Variants in UGT2A3 observed in about 807,000 individuals in gnomAD.
UGT2A3 encodes the protein UDP glucuronosyltransferase family 2 member A3, also known as UDP-glucuronosyltransferase 2A3.
UGT2A3 carries 55 observed loss-of-function variants against 44.1 expected under a neutral mutation model. The observed-to-expected ratio is 1.25, with a 90% CI of 1.00 to 1.56. The LOEUF (loss-of-function observed/expected upper bound fraction) is 1.56, where lower values mean the gene tolerates loss of function less well. Among genes scored for constraint, UGT2A3 ranks in the 40% most tolerant of loss-of-function variants. UGT2A3 has a pLI of 0.00. For synonymous variants in UGT2A3, 243 were observed against 215.1 expected, an observed-to-expected ratio of 1.13 and a Z score of -1.13; for missense variants, 733 against 621.6, an observed-to-expected ratio of 1.18 and a Z score of -1.91.
rs747002356 is a variant in UGT2A3, at chr4:68,932,640, C to A, written c.984G>T (p.Gln328His). The change falls in exon 3 of 6, where the codon CAG (glutamine) becomes CAT (histidine). Residue 328 changes from glutamine to histidine, a missense_variant. Gln to His is a conservative substitution (Grantham distance 24). Transcript: ENST00000251566. ...KANIIASALA[Q>H]IPQKVLWRYK... ...AGGTTTTACTGACCTTCTGTGGGATCTGGGCAAGGGCTGAAGCAATGATAT... is the reference window on the plus strand; with the variant it reads ...AGGTTTTACTGACCTTCTGTGGGATATGGGCAAGGGCTGAAGCAATGATAT... 3 of 1,608,060 alleles carry A rather than the reference C, an allele frequency of 1.9e-6. No homozygotes were observed. Among genetic ancestry groups the A allele is most frequent in the Non-Finnish European group, 2.5e-6 (3 of 1,177,328 alleles).
chr4:68,932,782 A>G lies in UGT2A3; in HGVS notation c.865-23T>C, dbSNP rs764714603. The G allele has an allele frequency of 2.5e-6, 4 of 1,598,726 alleles. No homozygotes were observed. In the East Asian group the frequency reaches 8.9e-5, roughly 36 times the overall value. On this transcript the variant is annotated intron_variant, in intron 2 of 5. Coordinates refer to ENST00000251566, the MANE Select transcript of UGT2A3 (RefSeq NM_024743.4). ...TTCCTGAAGATAAAAATTTATCTGC[A>G]TTACAGAGGCATAATATAACAAAAA...
At chr4:68,930,142 C>A in intron 5 of UGT2A3, 50 bp from the exon 6 acceptor site, 1 of 1,541,478 alleles carries the variant, frequency 6.5e-7, no homozygotes, top group Non-Finnish European at 8.8e-7. Flanking sequence ...GTTTTGTTTT[C>A]ATAAAAGACA....
intron 2 of UGT2A3, among the ~76,000 whole-genome samples, chr4:68,939,592 T>A (rs1419145787): frequency 1.3e-5 from 2 of 151,944 alleles, no homozygotes; most frequent in African/African-American, 4.8e-5. Flanking sequence ...ACCATAAAAA[T>A]CCTAGAAGAA....
At chr4:68,944,109 T>C (rs879405015) in intron 2 of UGT2A3, among the ~76,000 whole-genome samples, 5 of 151,858 alleles carry the variant, frequency 3.3e-5, no homozygotes, top group African/African-American at 1.2e-4. Flanking sequence ...TGTTATTTTA[T>C]GTGTTTGGTT....
chr4:68,938,772 G>T (rs975877038), intron 2 of UGT2A3, among the ~76,000 whole-genome samples: 6 of 152,134 alleles, frequency 3.9e-5, no homozygotes, highest in Non-Finnish European at 8.8e-5. Flanking sequence ...GTCCCCGTTT[G>T]CAGATGACAT....
chr4:68,935,276 GTATATATATA>G (rs57286694), intron 2 of UGT2A3, among the ~76,000 whole-genome samples: 896 of 60,130 alleles, frequency 0.015, 38 homozygotes, highest in Middle Eastern at 0.036. Context: ...ATGTATGTAT[GTATATATATA>G]TATATATATA....
intron 2 of UGT2A3, among the ~76,000 whole-genome samples, chr4:68,937,570 A>T (rs1717999658): frequency 6.6e-6 from 1 of 152,126 alleles, no homozygotes; most frequent in South Asian, 2.1e-4. Context: ...CAGTGTGTAA[A>T]GGGAAATTTA....
chr4:68,945,672 GAAGA>G (rs1288491905), intron 1 of UGT2A3, among the ~76,000 whole-genome samples: 4 of 149,470 alleles, frequency 2.7e-5, no homozygotes, highest in Non-Finnish European at 6.0e-5. Flanking sequence ...AGGAGGGAAG[GAAGA>G]AAGGAAGGAA....
chr4:68,948,017 A>G (rs1323092904), intron 1 of UGT2A3, among the ~76,000 whole-genome samples: 1 of 151,876 alleles, frequency 6.6e-6, no homozygotes, highest in Non-Finnish European at 1.5e-5. Flanking sequence ...TACCTTTGTC[A>G]TCAGCTGCAT....
intron 2 of UGT2A3, among the ~76,000 whole-genome samples, chr4:68,943,068 G>A (rs28601833): frequency 0.011 from 1,606 of 151,830 alleles, 26 homozygotes; most frequent in African/African-American, 0.036. Context: ...TAAATATTTA[G>A]TGTAAGACAG....
At chr4:68,942,593 AG>A (rs1211653368) in intron 2 of UGT2A3, among the ~76,000 whole-genome samples, 1 of 149,752 alleles carries the variant, frequency 6.7e-6, no homozygotes, top group Non-Finnish European at 1.5e-5. Flanking sequence ...TGGAAAAAAA[AG>A]AATGAAATCC....
intron 2 of UGT2A3, among the ~76,000 whole-genome samples, chr4:68,942,833 A>T (rs1429122923): frequency 6.6e-6 from 1 of 151,658 alleles, no homozygotes; most frequent in Non-Finnish European, 1.5e-5. Flanking sequence ...TTCTGTTATT[A>T]TATTAAGTTG....
intron 2 of UGT2A3, among the ~76,000 whole-genome samples, chr4:68,942,339 C>CTA (rs1553902025): frequency 4.7e-4 from 62 of 133,278 alleles, no homozygotes; most frequent in South Asian, 7.0e-4. Context: ...CTCTCTCTCT[C>CTA]TATATATATA....
Position 68,951,126 on chromosome 4 carries a change from G to C in UGT2A3, c.635C>G (p.Ser212Ter). The change falls in exon 1 of 6, where the codon TCA becomes TGA. Residue 212 changes from serine (S) to a stop codon, truncating the protein, a stop_gained. Coordinates refer to ENST00000251566, the MANE Select transcript of UGT2A3 (RefSeq NM_024743.4). LOFTEE classifies it high-confidence loss of function. The part of the protein sequence containing the change: ...RMTFLERVKN[S>*]MLSVLFHFWI... ...GAAGTGGAACAAAACTGAAAGCATTGAATTTTTTACTCTTTCCAGAAAGGT... is the reference window on the plus strand; with the variant it reads ...GAAGTGGAACAAAACTGAAAGCATTCAATTTTTTACTCTTTCCAGAAAGGT... The C allele has an allele frequency of 6.2e-7, 1 of 1,611,472 alleles. No homozygotes were observed. The highest frequency in any genetic ancestry group is 2.2e-5 in the East Asian group (1 of 44,584).
chr4:68,939,965 C>T (rs1718122917), intron 2 of UGT2A3, among the ~76,000 whole-genome samples: 1 of 152,152 alleles, frequency 6.6e-6, no homozygotes, highest in South Asian at 2.1e-4. Flanking sequence ...CATCACTGGT[C>T]ATCAGAGAAA....
At position 68,940,722 on chromosome 4, in the gene UGT2A3, TATATATATAATATACACATATATAC is replaced by T. The variant is rs1297555037; in HGVS notation, c.864+4559_864+4583del. On this transcript the variant is annotated intron_variant, in intron 2 of 5. Coordinates refer to ENST00000251566, the MANE Select transcript of UGT2A3 (RefSeq NM_024743.4). Reference sequence around the variant, plus strand: ...TATATATATAAAACTTAAAGTATTGTATATATATAATATACACATATATACATATATATAATATACACATATATAC... The same window carrying T: ...TATATATATAAAACTTAAAGTATTGTATATATATAATATACACATATATAC... Among the ~76,000 whole-genome samples the T allele has an allele frequency of 3.7e-3, 547 of 147,592 alleles. 1 individual carries two copies. Among genetic ancestry groups the T allele is most frequent in the African/African-American group, 0.013 (521 of 40,700 alleles).
At chr4:68,936,470 A>G (rs1295855441) in intron 2 of UGT2A3, among the ~76,000 whole-genome samples, 2 of 152,132 alleles carry the variant, frequency 1.3e-5, no homozygotes, top group African/African-American at 4.8e-5. Context: ...TAAGTTTCAT[A>G]AGTGAAGAAG....
Position 68,935,272 on chromosome 4 carries a change from G to GTA in UGT2A3, c.865-2515_865-2514dup, listed in dbSNP as rs57461958. Among the ~76,000 whole-genome samples the GTA allele has an allele frequency of 3.1e-3, 280 of 88,950 alleles. 1 individual carries two copies. Among genetic ancestry groups the GTA allele is most frequent in the East Asian group, 0.011 (28 of 2,466 alleles). The allele number at this position is 88,950 out of a possible 152,430, so 58.4% of individuals were successfully genotyped here. A position where few individuals can be genotyped will look rare whatever the true frequency, so the allele number is the denominator to read the frequency against. Reference sequence around the variant, plus strand: ...GACAAGGAGGTGTGTATGTATGTATGTATGTATATATATATATATATATAT... The same window carrying GTA: ...GACAAGGAGGTGTGTATGTATGTATGTATATGTATATATATATATATATATAT... On this transcript the variant is annotated intron_variant, in intron 2 of 5. Transcript: ENST00000251566.
chr4:68,949,072 G>A (rs565801921), intron 1 of UGT2A3, among the ~76,000 whole-genome samples: 8 of 151,592 alleles, frequency 5.3e-5, no homozygotes, highest in Non-Finnish European at 1.0e-4. Flanking sequence ...GAGTGAGAAC[G>A]AACTCACCCA....
Sources: allele counts gnomAD v4.1 joint callset (sites outside exome capture counted in the v4.1 genomes callset), GRCh38; gene constraint gnomAD v4.1.1; transcripts MANE v1.5; gene names NCBI Gene and HGNC (gene_info 2026-07-23, HGNC 2026-07-21).